CREB5: variants seen among roughly 807,000 people sequenced by gnomAD.
CREB5 encodes the protein cyclic AMP-responsive element-binding protein 5.
In CREB5, 19 loss-of-function variants were observed where a neutral mutation model predicts 57.1. The ratio of observed to expected loss-of-function variants is 0.33; its 90% CI spans 0.23 to 0.49. The LOEUF is 0.49. Ranked by LOEUF, CREB5 falls within the 20% of genes least tolerant of loss-of-function variation. CREB5 has a pLI of 0.99. For missense variants in CREB5, 579 were observed against 671.6 expected, an observed-to-expected ratio of 0.86 and a Z score of 1.52; for synonymous variants, 238 against 238.3, an observed-to-expected ratio of 1.00 and a Z score of 0.01.
intron 3 of CREB5, among the ~76,000 whole-genome samples, chr7:28,501,391 A>G (rs1291903225): frequency 6.6e-6 from 1 of 152,236 alleles, no homozygotes; most frequent in Non-Finnish European, 1.5e-5. Context: ...TGTAAGTGTT[A>G]CTGGCATTTA....
chr7:28,477,799 A>G (rs533319167), intron 1 of CREB5, among the ~76,000 whole-genome samples: 1 of 152,298 alleles, frequency 6.6e-6, no homozygotes, highest in Admixed American at 6.5e-5. Flanking sequence ...AGTCCATGGA[A>G]ATAATCTAGG....
At chr7:28,407,401 T>C (rs62451107) in intron 1 of CREB5, among the ~76,000 whole-genome samples, 5,151 of 152,274 alleles carry the variant, frequency 0.034, 133 homozygotes, top group Non-Finnish European at 0.05. Flanking sequence ...CGAGTCGCTG[T>C]AGTTATCATC....
intron 1 of CREB5, among the ~76,000 whole-genome samples, chr7:28,431,982 C>CTTTT (rs34222908): frequency 6.4e-5 from 8 of 124,910 alleles, no homozygotes; most frequent in South Asian, 2.5e-4. Context: ...ACAGCTATGC[C>CTTTT]TTTTTTTTTT....
intron 5 of CREB5, among the ~76,000 whole-genome samples, chr7:28,586,475 C>G (rs913318551): frequency 6.6e-6 from 1 of 152,214 alleles, no homozygotes; most frequent in African/African-American, 2.4e-5. Flanking sequence ...GGCCTCTGGA[C>G]AGCCCCCTTC....
At chr7:28,704,179 A>G (rs1015078630) in intron 5 of CREB5, among the ~76,000 whole-genome samples, 32 of 152,188 alleles carry the variant, frequency 2.1e-4, no homozygotes, top group African/African-American at 7.0e-4. Context: ...CTAATAAATT[A>G]CTTATTCTAG....
chr7:28,727,395 G>A (rs1415783651), intron 7 of CREB5, among the ~76,000 whole-genome samples: 2 of 152,064 alleles, frequency 1.3e-5, no homozygotes, highest in African/African-American at 2.4e-5. Flanking sequence ...AGTGGGATCT[G>A]CTAGAAAGAA....
chr7:28,392,774 C>T (rs1303113847), intron 1 of CREB5, among the ~76,000 whole-genome samples: 1 of 152,198 alleles, frequency 6.6e-6, no homozygotes, highest in African/African-American at 2.4e-5. Flanking sequence ...TTTCGAGGTA[C>T]AGGTTACACC....
chr7:28,483,596 A>T (rs1562748349), intron 1 of CREB5, among the ~76,000 whole-genome samples: 1 of 152,180 alleles, frequency 6.6e-6, no homozygotes, highest in South Asian at 2.1e-4. Flanking sequence ...ATGAGGCAGC[A>T]TCTGCCACAA....
chr7:28,359,174 CG>C (rs1786407435), intron 1 of CREB5, among the ~76,000 whole-genome samples: 1 of 142,704 alleles, frequency 7.0e-6, no homozygotes, highest in Non-Finnish European at 1.5e-5. Context: ...AAACCCAAAA[CG>C]AAACAAACAA....
rs1188370058 is a variant in CREB5 at position 28,819,294 on chromosome 7, C to G, written c.*15C>G. 1 of 1,610,266 alleles carries G rather than the reference C, an allele frequency of 6.2e-7. No individual in the cohort carries two copies. The highest frequency in any genetic ancestry group is 8.5e-7 in the Non-Finnish European group (1 of 1,178,178). Reference sequence around the variant, plus strand: ...CGATTCTTTAAAATGCACCATCAGACCTGGCCTCCAAGAAGAGCTGTAGCG... The same window carrying G: ...CGATTCTTTAAAATGCACCATCAGAGCTGGCCTCCAAGAAGAGCTGTAGCG... On this transcript the variant is annotated 3_prime_UTR_variant, in exon 11 of 11. Coordinates refer to ENST00000357727, the MANE Select transcript of CREB5 (RefSeq NM_182898.4).
chr7:28,765,045 T>C (rs1025923190), intron 7 of CREB5, among the ~76,000 whole-genome samples: 4 of 152,222 alleles, frequency 2.6e-5, no homozygotes, highest in Admixed American at 2.6e-4. Flanking sequence ...ATCACCAAAA[T>C]GATGACAAAG....
At chr7:28,307,006 G>T (rs893361335) in intron 1 of CREB5, among the ~76,000 whole-genome samples, 1 of 152,176 alleles carries the variant, frequency 6.6e-6, no homozygotes, top group African/African-American at 2.4e-5. Flanking sequence ...GTTTTTACCT[G>T]TTCAGATAAG....
intron 1 of CREB5, among the ~76,000 whole-genome samples, chr7:28,369,249 T>C (rs1786657231): frequency 6.6e-6 from 1 of 152,218 alleles, no homozygotes; most frequent in Non-Finnish European, 1.5e-5. Context: ...GCTACAGTTT[T>C]ATTTAAGCAC....
At chr7:28,711,885 T>C (rs1172705736) in intron 5 of CREB5, among the ~76,000 whole-genome samples, 3 of 152,246 alleles carry the variant, frequency 2.0e-5, no homozygotes, top group Non-Finnish European at 2.9e-5. Flanking sequence ...TAATTTTTTA[T>C]TGTAGTATGG....
chr7:28,785,264 A>G (rs1807252929), intron 7 of CREB5, among the ~76,000 whole-genome samples: 1 of 152,226 alleles, frequency 6.6e-6, no homozygotes, highest in African/African-American at 2.4e-5. Flanking sequence ...GTTTAACACC[A>G]TAATTCTCTC....
chr7:28,818,871 A>C, intron 10 of CREB5: 1 of 577,244 alleles, frequency 1.7e-6, no homozygotes, highest in Non-Finnish European at 3.2e-6. Context: ...TGACTGAAAC[A>C]CATCAAATCA....
chr7:28,741,629 A>T (rs917184361), intron 7 of CREB5, among the ~76,000 whole-genome samples: 1 of 152,212 alleles, frequency 6.6e-6, no homozygotes, highest in African/African-American at 2.4e-5. Context: ...CTTCGTCATG[A>T]CTGTTCTGCA....
At chr7:28,730,062 G>A (rs142384336) in intron 7 of CREB5, among the ~76,000 whole-genome samples, 2 of 152,322 alleles carry the variant, frequency 1.3e-5, no homozygotes, top group African/African-American at 2.4e-5. Flanking sequence ...TTAAAACACC[G>A]TGGTAGAGAG....
chr7:28,542,911 C>A (rs140929294), intron 4 of CREB5, among the ~76,000 whole-genome samples: 1 of 152,176 alleles, frequency 6.6e-6, no homozygotes, highest in South Asian at 2.1e-4. Flanking sequence ...TCCCGTTCCA[C>A]AGTGGTCTCC....
Sources: gnomAD v4.1 joint callset for allele counts (sites outside exome capture counted in the v4.1 genomes callset) on GRCh38, gnomAD v4.1.1 for gene constraint, MANE v1.5 for transcripts, NCBI Gene and HGNC (gene_info 2026-07-23, HGNC 2026-07-21) for gene names.